ARHGEF10L: variants seen among roughly 807,000 people sequenced by gnomAD.
The protein encoded by ARHGEF10L is Rho guanine nucleotide exchange factor 10 like.
Under a neutral mutation model 141.2 loss-of-function variants are expected in ARHGEF10L, and 69 were observed. That is an observed-to-expected ratio of 0.49 (90% CI 0.40 to 0.60). The LOEUF (loss-of-function observed/expected upper bound fraction) is 0.60. Ranked by LOEUF, ARHGEF10L falls within the 20% of genes least tolerant of loss-of-function variation. The probability of loss-of-function intolerance (pLI) is 0.00; values close to 1 mark genes in which losing one functional copy is unlikely to be tolerated. For missense variants in ARHGEF10L, 1,482 were observed against 1,734.3 expected (o/e 0.85, Z 2.58); for synonymous variants, 711 against 718.5 (o/e 0.99, Z 0.17).
intron 4 of ARHGEF10L, among the ~76,000 whole-genome samples, chr1:17,592,708 A>AT (rs1198377271): frequency 6.6e-6 from 1 of 151,892 alleles, no homozygotes; most frequent in African/African-American, 2.4e-5. Context: ...AATCTTCAAG[A>AT]TTTCCCAGAT....
intron 25 of ARHGEF10L, among the ~76,000 whole-genome samples, chr1:17,657,635 C>T (rs937965708): frequency 5.3e-5 from 8 of 151,808 alleles, no homozygotes; most frequent in Admixed American, 1.3e-4. Context: ...TGCCACTTGG[C>T]ACTGTGTTGG....
Position 17,623,149 on chromosome 1 carries a change from A to G in ARHGEF10L, c.1174A>G (p.Lys392Glu). 6.2e-7 allele frequency: 1 copy of G among 1,613,452 alleles called. No homozygotes were observed. The highest frequency in any genetic ancestry group is 1.1e-5 in the South Asian group (1 of 91,062). Residue 392 changes from lysine to glutamate, a missense_variant, in exon 12 of 29, where the codon AAG (lysine) becomes GAG (glutamate). Lys to Glu is a moderately conservative substitution (Grantham distance 56). This residue lies in a region of ARHGEF10L where 392 missense variants were observed against 542.1 expected (regional missense o/e 0.72). Transcript: ENST00000361221. The surrounding 1 kb of genome is among the most constrained non-coding windows in gnomAD (Gnocchi z 4.7). ...CGTGGCTGAGTGGGATTCCACCGAGAAGATCGGGGACCTCTTCGTGGCCTC... is the reference window on the plus strand; with the variant it reads ...CGTGGCTGAGTGGGATTCCACCGAGGAGATCGGGGACCTCTTCGTGGCCTC... The part of the protein sequence containing the change: ...SRVAEWDSTE[K>E]IGDLFVASFS...
the ARHGEF10L span, among the ~76,000 whole-genome samples, chr1:17,532,780 A>C: frequency 1.3e-5 from 2 of 151,866 alleles, no homozygotes; most frequent in Admixed American, 6.6e-5. Context: ...TTTTCAGTAG[A>C]GACGGGGTTT....
Position 17,640,212 on chromosome 1 carries a change from C to A in ARHGEF10L, c.2182C>A (p.Pro728Thr), listed in dbSNP as rs1037562643. The change falls in exon 21 of 29, where the codon CCC becomes ACC. Residue 728 changes from proline (P) to threonine (T), a missense_variant. Transcript: ENST00000361221. Reference protein sequence around the residue: ...LPGKPDKSGRPISFMVVFITP... With the variant: ...LPGKPDKSGRTISFMVVFITP... ...CCCTTCTCACCACAGGTCCGGCCGC[C>A]CCATTAGCTTCATGGTGGTTTTCAT... is the stretch of plus-strand genomic sequence containing the variant. 2.5e-6 allele frequency: 4 copies of A among 1,611,738 alleles called. No homozygotes were observed. Among genetic ancestry groups the A allele is most frequent in the Non-Finnish European group, 3.4e-6 (4 of 1,179,016 alleles).
intron 2 of ARHGEF10L, among the ~76,000 whole-genome samples, chr1:17,581,561 G>A (rs2078569427): frequency 3.3e-5 from 5 of 152,234 alleles, no homozygotes; most frequent in South Asian, 4.2e-4. Flanking sequence ...ATTGCAGATG[G>A]TAATGAGTGA....
chr1:17,656,403 G>T lies in ARHGEF10L; in HGVS notation c.2706-151G>T. On this transcript the variant is annotated intron_variant, in intron 24 of 28. Coordinates refer to ENST00000361221, the MANE Select transcript of ARHGEF10L (RefSeq NM_018125.4). The surrounding 1 kb of genome is among the most constrained non-coding windows in gnomAD (Gnocchi z 4.9). ...GAAAACCATGGAAAAGTGAGCTCCCGCATGGTGGAGCTATGGCCTGGCCAC... is the reference window on the plus strand; with the variant it reads ...GAAAACCATGGAAAAGTGAGCTCCCTCATGGTGGAGCTATGGCCTGGCCAC... The T allele has an allele frequency of 1.0e-6, 1 of 969,972 alleles. No homozygotes were observed. Among genetic ancestry groups the T allele is most frequent in the Middle Eastern group, 2.3e-4 (1 of 4,316 alleles). The allele number at this position is 969,972 out of a possible 1,614,324, so 60.1% of individuals were successfully genotyped here. A position where few individuals can be genotyped will look rare whatever the true frequency, so the allele number is the denominator to read the frequency against.
intron 4 of ARHGEF10L, among the ~76,000 whole-genome samples, chr1:17,598,522 T>C (rs1260900622): frequency 1.3e-5 from 2 of 152,178 alleles, no homozygotes; most frequent in African/African-American, 4.8e-5. Context: ...ACTGTGTCCT[T>C]ACATGGTAGA....
At chr1:17,672,690 C>A (rs919578332) in intron 26 of ARHGEF10L, among the ~76,000 whole-genome samples, 1 of 152,110 alleles carries the variant, frequency 6.6e-6, no homozygotes, top group Non-Finnish European at 1.5e-5. Context: ...TCCCAGGAGG[C>A]TCCGACAAGA....
chr1:17,530,866 G>T, the ARHGEF10L span, among the ~76,000 whole-genome samples: 4 of 151,960 alleles, frequency 2.6e-5, no homozygotes, highest in African/African-American at 7.2e-5. Context: ...TTAGCCGGGC[G>T]TGGTGGCAGG....
rs1410627507 is a variant in ARHGEF10L, at chr1:17,621,822, G to C, written c.943-42G>C. 7.6e-6 allele frequency: 12 copies of C among 1,579,538 alleles called. 1 individual carries two copies. Among genetic ancestry groups the C allele is most frequent in the Non-Finnish European group, 1.0e-5 (12 of 1,148,744 alleles). ...CTTCCTGTCACTTGGGCCCTGTGCA[G>C]CAGGTGTCATGTGCGCTGACCGTGC... On this transcript the variant is annotated intron_variant, in intron 10 of 28. Coordinates refer to ENST00000361221, the MANE Select transcript of ARHGEF10L (RefSeq NM_018125.4). The surrounding 1 kb of genome is among the most constrained non-coding windows in gnomAD (Gnocchi z 4.1).
intron 1 of ARHGEF10L, among the ~76,000 whole-genome samples, chr1:17,549,877 G>C (rs1188790289): frequency 1.3e-5 from 2 of 152,326 alleles, no homozygotes; most frequent in Non-Finnish European, 2.9e-5. Flanking sequence ...TCAGTGCTGT[G>C]GGGTGATGGA....
At chr1:17,611,189 A>G (rs2059530808) in intron 7 of ARHGEF10L, among the ~76,000 whole-genome samples, 1 of 152,140 alleles carries the variant, frequency 6.6e-6, no homozygotes, top group African/African-American at 2.4e-5. Context: ...GAGAGAAGTG[A>G]TGGAGCACCA....
In ARHGEF10L at chr1:17,655,958, C is replaced by T. The variant is rs899405874; in HGVS notation, c.2561C>T (p.Ser854Phe). The T allele has an allele frequency of 1.3e-6, 2 of 1,562,616 alleles. No individual in the cohort carries two copies. The highest frequency in any genetic ancestry group is 1.7e-6 in the Non-Finnish European group (2 of 1,152,790). ...CGGCCCTCGCCCCGCACCGTCAAGT[C>T]CTTCCCACTGGCAGCCCCTGTGCTC... ...LNRPSPRTVK[S>F]FPLAAPVLCM... is the part of the protein sequence containing the mutation. The change falls in exon 24 of 29, where the codon TCC becomes TTC. Residue 854 changes from serine to phenylalanine, a missense_variant. Coordinates refer to ENST00000361221, the MANE Select transcript of ARHGEF10L (RefSeq NM_018125.4).
At chr1:17,513,836 C>T in the ARHGEF10L span, among the ~76,000 whole-genome samples, 6 of 151,974 alleles carry the variant, frequency 3.9e-5, no homozygotes, top group Non-Finnish European at 7.4e-5. Flanking sequence ...GACGGAGTTT[C>T]GCTCTTTTGT....
chr1:17,683,185 C>A (rs1277339127), intron 26 of ARHGEF10L, among the ~76,000 whole-genome samples: 1 of 135,326 alleles, frequency 7.4e-6, no homozygotes, highest in Non-Finnish European at 1.6e-5. Context: ...GTGCTCACTG[C>A]CCCCTGCTCT....
chr1:17,569,472 G>T (rs1433152269), intron 1 of ARHGEF10L, among the ~76,000 whole-genome samples: 1 of 152,214 alleles, frequency 6.6e-6, no homozygotes, highest in Non-Finnish European at 1.5e-5. Context: ...CCCTGCCGTT[G>T]TTGGGTGGGT....
intron 26 of ARHGEF10L, among the ~76,000 whole-genome samples, chr1:17,667,708 G>A (rs1412798642): frequency 6.6e-6 from 1 of 152,212 alleles, no homozygotes; most frequent in Non-Finnish European, 1.5e-5. Flanking sequence ...AGAAGTGGCT[G>A]CCGGCTGCTG....
At chr1:17,559,982 GCAAGATTTGGTT>G (rs1325108333) in intron 1 of ARHGEF10L, among the ~76,000 whole-genome samples, 1 of 152,140 alleles carries the variant, frequency 6.6e-6, no homozygotes, top group Non-Finnish European at 1.5e-5. Context: ...CTGATGCCCT[GCAAGATTTGGTT>G]CACAAGCAGG....
At chr1:17,546,371 T>C (rs540826538) in intron 1 of ARHGEF10L, among the ~76,000 whole-genome samples, 161 of 152,348 alleles carry the variant, frequency 1.1e-3, no homozygotes, top group African/African-American at 3.8e-3. Context: ...AGAACTTGTT[T>C]GCTTAAAGGC....
Sources: allele counts gnomAD v4.1 joint callset (sites outside exome capture counted in the v4.1 genomes callset), GRCh38; gene constraint gnomAD v4.1.1; regional missense constraint gnomAD v4.1.1; non-coding constraint Gnocchi (gnomAD v3.1); transcripts MANE v1.5; gene names NCBI Gene and HGNC (gene_info 2026-07-23, HGNC 2026-07-21).